Variants in ETV7 observed in about 807,000 individuals in gnomAD.
The protein encoded by ETV7 is transcription factor ETV7.
In ETV7, 43 loss-of-function variants were observed where a neutral mutation model predicts 39.1. The observed-to-expected ratio is 1.10, with a 90% CI of 0.86 to 1.42. The LOEUF (loss-of-function observed/expected upper bound fraction) is 1.42. ETV7 is among the 40% of genes most tolerant of loss of function. The pLI is 0.00. For missense variants in ETV7, 432 were observed against 442.3 expected, an observed-to-expected ratio of 0.98 and a Z score of 0.21; for synonymous variants, 196 against 176.6, an observed-to-expected ratio of 1.11 and a Z score of -0.87.
At chr6:36,361,798 A>G (rs1039053189), downstream of ETV7, among the ~76,000 whole-genome samples, 5 of 152,196 alleles carry the variant, frequency 3.3e-5, no homozygotes, top group African/African-American at 1.2e-4. Context: ...ATCTATTGTC[A>G]GTTCTTTAAT....
rs1357791394 is a variant in ETV7, at chr6:36,375,858, G to A, written c.307+13C>T. On this transcript the variant is annotated intron_variant, in intron 3 of 7. Coordinates refer to ENST00000340181, the MANE Select transcript of ETV7 (RefSeq NM_016135.4). Reference sequence around the variant, plus strand: ...GGTTCCCGCTTAGAGGAAAGCCTGTGCGTTTCCCTGACCTGAGCTGGGCGC... The same window carrying A: ...GGTTCCCGCTTAGAGGAAAGCCTGTACGTTTCCCTGACCTGAGCTGGGCGC... The A allele has an allele frequency of 1.2e-6, 2 of 1,613,924 alleles. No homozygotes were observed. The highest frequency in any genetic ancestry group is 1.7e-6 in the Non-Finnish European group (2 of 1,180,028).
rs1341398497 is a variant in ETV7 at position 36,373,568 on chromosome 6, CAGGACGTCACCTGG to C, written c.308-4_317del. On this transcript the variant is annotated splice_acceptor_variant and splice_polypyrimidine_tract_variant and coding_sequence_variant and intron_variant, in exon 4 of 8. Transcript: ENST00000340181. LOFTEE classifies it high-confidence loss of function. ...TCTTGATGTACTGGAGCAGCTCATACAGGACGTCACCTGGAGGTGGGTGGGAGGGAGGGCAGGCT... is the reference window on the plus strand; with the variant it reads ...TCTTGATGTACTGGAGCAGCTCATACAGGTGGGTGGGAGGGAGGGCAGGCT... 6.7e-7 allele frequency: 1 copy of C among 1,483,866 alleles called. No homozygotes were observed. The highest frequency in any genetic ancestry group is 1.5e-5 in the African/African-American group (1 of 68,700). The allele number at this position is 1,483,866 out of a possible 1,614,324, so 91.9% of individuals were successfully genotyped here. A position where few individuals can be genotyped will look rare whatever the true frequency, so the allele number is the denominator to read the frequency against.
intron 5 of ETV7, 35 bp from the exon 6 acceptor site, chr6:36,369,106 C>T: frequency 6.2e-7 from 1 of 1,612,474 alleles, no homozygotes; most frequent in Non-Finnish European, 8.5e-7. Flanking sequence ...GGCAGCGCAG[C>T]TTTACTGGAG....
chr6:36,360,375 A>G (rs1692826818), intron 7 of ETV7, among the ~76,000 whole-genome samples: 1 of 152,200 alleles, frequency 6.6e-6, no homozygotes, highest in African/African-American at 2.4e-5. Flanking sequence ...GAGAATGGGA[A>G]AATAGGAATT....
chr6:36,366,716 G>A lies in ETV7; in HGVS notation c.955C>T (p.Leu319=). The change falls in exon 8 of 8, where the codon CTG becomes TTG. Residue 319 remains leucine (L), a synonymous_variant. Transcript: ENST00000340181. ...TGCTCCTGGCTCTCCAGCGGCTCCA[G>A]GTGGCTGTGCTTGTCCTGGACCATC... The part of the protein sequence containing the change: ...GKMVQDKHSH[L]EPLESQEQDR... The A allele has an allele frequency of 6.2e-7, 1 of 1,614,076 alleles. No individual in the cohort carries two copies. Among genetic ancestry groups the A allele is most frequent in the South Asian group, 1.1e-5 (1 of 91,086 alleles).
intron 3 of ETV7, 104 bp downstream of exon 3, chr6:36,375,766 CA>C: frequency 6.4e-7 from 1 of 1,565,776 alleles, no homozygotes; most frequent in East Asian, 2.2e-5. Context: ...CATGATTCCC[CA>C]AGGAAGACCC....
chr6:36,367,172 G>A (rs1010646387), intron 6 of ETV7, among the ~76,000 whole-genome samples, 197 bp from the exon 7 acceptor site: 7 of 152,174 alleles, frequency 4.6e-5, no homozygotes, highest in South Asian at 4.1e-4. Context: ...GCTGGGCAGG[G>A]TGGCTCACAC....
chr6:36,364,028 G>A (rs934487631), downstream of ETV7, among the ~76,000 whole-genome samples: 1 of 152,112 alleles, frequency 6.6e-6, no homozygotes, highest in African/African-American at 2.4e-5. Context: ...CACAAACCCT[G>A]AGCTAGACAC....
chr6:36,356,919 G>A lies in ETV7; in HGVS notation c.909-2232C>T, dbSNP rs140349559. Among the ~76,000 whole-genome samples, 393 of 152,292 alleles carry A rather than the reference G, an allele frequency of 2.6e-3. 2 individuals are homozygous for A. Among genetic ancestry groups the A allele is most frequent in the African/African-American group, 7.7e-3 (322 of 41,552 alleles). On this transcript the variant is annotated intron_variant, in intron 7 of 7. Coordinates refer to the ETV7 transcript ENST00000339796. ...AATTTGCGGGACCCCATCACCACCCGTGAAAACATCATCACAGGTTAATTC... is the reference window on the plus strand; with the variant it reads ...AATTTGCGGGACCCCATCACCACCCATGAAAACATCATCACAGGTTAATTC...
chr6:36,354,689 T>G lies in ETV7; in HGVS notation c.909-2A>C, dbSNP rs2127378728. On this transcript the variant is annotated splice_acceptor_variant, in intron 7 of 7. Coordinates refer to the ETV7 transcript ENST00000339796. LOFTEE classifies it high-confidence loss of function. ...ATGAAGATCAGCTGAAGTCCATTTC[T>G]GCAATAAAAAAAAAAAGCAGTTGGA... 1.4e-6 allele frequency: 1 copy of G among 696,938 alleles called. No homozygotes were observed. The highest frequency in any genetic ancestry group is 1.5e-5 in the South Asian group (1 of 66,054). The allele number at this position is 696,938 out of a possible 1,614,324, so 43.2% of individuals were successfully genotyped here.
intron 6 of ETV7, 129 bp from the exon 7 acceptor site, chr6:36,367,104 G>A: frequency 1.4e-6 from 1 of 731,948 alleles, no homozygotes; most frequent in Non-Finnish European, 2.4e-6. Flanking sequence ...GGGTTTATGA[G>A]TGCTCACTTG....
intron 7 of ETV7, among the ~76,000 whole-genome samples, chr6:36,355,107 C>A (rs1772303412): frequency 6.6e-6 from 1 of 152,136 alleles, no homozygotes; most frequent in Non-Finnish European, 1.5e-5. Context: ...TCCTTTCCAA[C>A]CTAGATGCTT....
intron 2 of ETV7, among the ~76,000 whole-genome samples, chr6:36,379,148 G>T (rs77392236): frequency 6.6e-6 from 1 of 152,200 alleles, no homozygotes; most frequent in African/African-American, 2.4e-5. Flanking sequence ...GGGCTTCCGC[G>T]GCTAGGGTGT....
At chr6:36,385,982 G>T (rs1336827681) in intron 1 of ETV7, among the ~76,000 whole-genome samples, 1 of 152,172 alleles carries the variant, frequency 6.6e-6, no homozygotes. Context: ...GATCCCTGGT[G>T]AGGACAACAC....
intron 2 of ETV7, among the ~76,000 whole-genome samples, chr6:36,378,238 T>TG: frequency 1.2e-5 from 1 of 85,252 alleles, no homozygotes; most frequent in Non-Finnish European, 2.1e-5. Context: ...TAATCTAATA[T>TG]GGAAAAAAAA....
At chr6:36,376,576 A>AG (rs1773366186) in intron 2 of ETV7, among the ~76,000 whole-genome samples, 2 of 152,106 alleles carry the variant, frequency 1.3e-5, no homozygotes, top group South Asian at 2.1e-4. Context: ...AGGAGATTCA[A>AG]ACCATCCTGG....
chr6:36,355,082 GAT>G (rs752630162), intron 7 of ETV7, among the ~76,000 whole-genome samples: 2 of 152,138 alleles, frequency 1.3e-5, no homozygotes, highest in Non-Finnish European at 2.9e-5. Context: ...TATGAACAGA[GAT>G]AGTTTTACTT....
chr6:36,364,026 C>T (rs1772622621), downstream of ETV7, among the ~76,000 whole-genome samples: 1 of 152,138 alleles, frequency 6.6e-6, no homozygotes, highest in African/African-American at 2.4e-5. Flanking sequence ...TTCACAAACC[C>T]TGAGCTAGAC....
chr6:36,364,309 G>T (rs557527257), downstream of ETV7, among the ~76,000 whole-genome samples: 1 of 152,204 alleles, frequency 6.6e-6, no homozygotes, highest in Non-Finnish European at 1.5e-5. Context: ...GGCTCAGGCC[G>T]CACAGGAGCC....
Sources: allele counts gnomAD v4.1 joint callset (sites outside exome capture counted in the v4.1 genomes callset), GRCh38; gene constraint gnomAD v4.1.1; transcripts MANE v1.5; gene names NCBI Gene and HGNC (gene_info 2026-07-23, HGNC 2026-07-21).